GREP1: variants seen among roughly 807,000 people sequenced by gnomAD.
GREP1 encodes the protein glycine-rich extracellular protein 1.
intron 27 of GREP1, among the ~76,000 whole-genome samples, chr16:2,999,479 C>CTTTTTTTTTT (rs35368761): frequency 1.3e-5 from 1 of 75,502 alleles, no homozygotes; most frequent in African/African-American, 6.1e-5. Context: ...CCCTCTTGCT[C>CTTTTTTTTTT]TTTTTTTTTT....
chr16:2,999,524 G>A (rs1034370097), intron 27 of GREP1, among the ~76,000 whole-genome samples: 7 of 124,812 alleles, frequency 5.6e-5, no homozygotes, highest in African/African-American at 2.2e-4. Flanking sequence ...TCGCTCTGTC[G>A]CCCAGGCTGG....
rs1448142644 is a variant in GREP1 at position 2,989,047 on chromosome 16, G to C, written c.100+425G>C. The C allele has an allele frequency of 4.1e-6, 1 of 240,992 alleles. No homozygotes were observed. The highest frequency in any genetic ancestry group is 7.9e-6 in the Non-Finnish European group (1 of 126,394). The allele number at this position is 240,992 out of a possible 1,614,324, so 14.9% of individuals were successfully genotyped here. Reference sequence around the variant, plus strand: ...AAGGGTAGAAGGAGGGGCTGCCCCTGAGCCCTGATGCATCTGAGCTTCAGG... The same window carrying C: ...AAGGGTAGAAGGAGGGGCTGCCCCTCAGCCCTGATGCATCTGAGCTTCAGG... On this transcript the variant is annotated intron_variant, in intron 2 of 34. Transcript: ENST00000573315. This position sits in a 1 kb window ranked among gnomAD's most constrained non-coding sequence, Gnocchi z 4.2.
At chr16:3,001,985 C>T (rs977549168) in exon 35 of GREP1, 6 of 200,806 alleles carry the variant, frequency 3.0e-5, no homozygotes, top group Admixed American at 6.0e-5. Flanking sequence ...CATTTATAAT[C>T]GATTTATTAA....
At chr16:2,990,959 G>A (rs2072396045) in intron 7 of GREP1, 89 bp from the exon 7 acceptor site, 2 of 399,012 alleles carry the variant, frequency 5.0e-6, no homozygotes, top group Non-Finnish European at 8.8e-6. Flanking sequence ...CCCCACACCT[G>A]TCCCAGTGTC....
exon 35 of GREP1, chr16:3,001,565 C>A: frequency 2.5e-6 from 1 of 399,186 alleles, no homozygotes; most frequent in Non-Finnish European, 4.4e-6. Context: ...TCCCAGGCCG[C>A]TGCCCTCTGG....
intron 10 of GREP1, 93 bp downstream of exon 11, chr16:2,993,056 C>G (rs2151094700): frequency 2.5e-6 from 1 of 397,640 alleles, no homozygotes; most frequent in Admixed American, 4.4e-5. Flanking sequence ...CTCTTTGGCT[C>G]TGTCCCCTGG....
At chr16:2,996,455 C>T (rs1017949766) in intron 18 of GREP1, 41 bp from the exon 18 acceptor site, 7 of 398,876 alleles carry the variant, frequency 1.8e-5, no homozygotes, top group Non-Finnish European at 2.2e-5. Flanking sequence ...ACACCCCCTC[C>T]GAATGCCGCC....
intron 28 of GREP1, 33 bp from the exon 26 acceptor site, chr16:3,000,053 C>G (rs539144154): frequency 1.1e-4 from 43 of 398,942 alleles, no homozygotes; most frequent in Non-Finnish European, 1.8e-4. Flanking sequence ...CTCGCTGACC[C>G]CCATCTCTGA....
In GREP1 at chr16:2,991,115, G is replaced by GGTGAGGAAGCCCA. The variant is rs2072397134; in HGVS notation, c.322+15_322+16insTGAGGAAGCCCAG. On this transcript the variant is annotated intron_variant, in intron 8 of 34. Transcript: ENST00000573315. This position sits in a 1 kb window ranked among gnomAD's most constrained non-coding sequence, Gnocchi z 4.9. Reference sequence around the variant, plus strand: ...GAGCCCAGTCAGGTGAGGAAACGTCGGGTGTGGCAGGACCTGGGCTTCCAG... The same window carrying GGTGAGGAAGCCCA: ...GAGCCCAGTCAGGTGAGGAAACGTCGGTGAGGAAGCCCAGGTGTGGCAGGACCTGGGCTTCCAG... The GGTGAGGAAGCCCA allele has an allele frequency of 5.0e-6, 2 of 399,234 alleles. No individual in the cohort carries two copies. Among genetic ancestry groups the GGTGAGGAAGCCCA allele is most frequent in the African/African-American group, 4.1e-5 (2 of 48,716 alleles). 24.7% of individuals were successfully genotyped at this position (399,234 alleles called of 1,614,324 possible). A position where few individuals can be genotyped will look rare whatever the true frequency, so the allele number is the denominator to read the frequency against.
chr16:2,998,413 C>T (rs549732509), intron 24 of GREP1, 25 bp downstream of exon 22: 3 of 399,208 alleles, frequency 7.5e-6, no homozygotes, highest in Admixed American at 4.4e-5. Flanking sequence ...CCTGGCTCTG[C>T]CCCACACCTC....
intron 13 of GREP1, 131 bp downstream of exon 14, chr16:2,995,093 G>A (rs2072417776): frequency 1.0e-5 from 4 of 398,042 alleles, no homozygotes; most frequent in Non-Finnish European, 1.8e-5. Context: ...GCTTGGCCCT[G>A]AAGGGGAACC....
chr16:2,988,893 G>A (rs1032107362), intron 2 of GREP1: 4 of 380,690 alleles, frequency 1.1e-5, no homozygotes, highest in Middle Eastern at 6.6e-4. Flanking sequence ...CAGGAGGGGC[G>A]GACCCACCGG....
chr16:2,989,870 G>C lies in GREP1; in HGVS notation c.131-104G>C, dbSNP rs1002717443. ...ACAGCCCTCCCCCATCATGGGAAGGGACTGAGTTCCCACAGGCCCACTGCT... is the reference window on the plus strand; with the variant it reads ...ACAGCCCTCCCCCATCATGGGAAGGCACTGAGTTCCCACAGGCCCACTGCT... On this transcript the variant is annotated intron_variant, in intron 3 of 34. Coordinates refer to ENST00000573315, the Ensembl canonical transcript of GREP1. The surrounding 1 kb of genome is among the most constrained non-coding windows in gnomAD (Gnocchi z 4.2). The C allele has an allele frequency of 2.5e-6, 1 of 398,714 alleles. No individual in the cohort carries two copies. Among genetic ancestry groups the C allele is most frequent in the Non-Finnish European group, 4.4e-6 (1 of 226,090 alleles). The allele number at this position is 398,714 out of a possible 1,614,324, so 24.7% of individuals were successfully genotyped here.
At chr16:3,001,892 C>A in exon 35 of GREP1, 1 of 362,480 alleles carries the variant, frequency 2.8e-6, no homozygotes. Flanking sequence ...GGGAGGGCAT[C>A]ACTTGGTGAC....
At chr16:2,996,606 A>C (rs768712311) in intron 19 of GREP1, 67 bp from the exon 19 acceptor site, 1 of 399,132 alleles carries the variant, frequency 2.5e-6, no homozygotes, top group African/African-American at 2.1e-5. Flanking sequence ...CCACAGGGAC[A>C]GAGAGCTGGG....
chr16:2,993,082 A>G (rs944619939), intron 10 of GREP1, 119 bp downstream of exon 11: 6 of 396,252 alleles, frequency 1.5e-5, no homozygotes, highest in Non-Finnish European at 1.8e-5. Flanking sequence ...GGGAATAGGA[A>G]TGGGTGGGGA....
intron 10 of GREP1, chr16:2,993,233 C>G (rs2072407732): frequency 1.4e-5 from 4 of 294,236 alleles, no homozygotes; most frequent in Non-Finnish European, 2.5e-5. Context: ...GGTGGACTCA[C>G]AGGAAGTCCT....
In GREP1 at chr16:2,992,843, G is replaced by A. The variant is rs114795558; in HGVS notation, c.352+9G>A. 9.0e-5 allele frequency: 36 copies of A among 399,170 alleles called. No homozygotes were observed. Among genetic ancestry groups the A allele is most frequent in the African/African-American group, 7.4e-4 (36 of 48,768 alleles). The allele number at this position is 399,170 out of a possible 1,614,324, so 24.7% of individuals were successfully genotyped here. A position where few individuals can be genotyped will look rare whatever the true frequency, so the allele number is the denominator to read the frequency against. ...AAATGGCTTTGGACCAGGTAAAGAG[G>A]GTGGGGACGGAAGCGGGGAGCCTGG... On this transcript the variant is annotated intron_variant, in intron 9 of 34. Transcript: ENST00000573315. This position sits in a 1 kb window ranked among gnomAD's most constrained non-coding sequence, Gnocchi z 4.9.
In GREP1 at chr16:2,989,789, G is replaced by A. The variant is rs2072389320; in HGVS notation, c.131-185G>A. On this transcript the variant is annotated intron_variant, in intron 3 of 34. Transcript: ENST00000573315. The surrounding 1 kb of genome is among the most constrained non-coding windows in gnomAD (Gnocchi z 4.2). ...GGGAAGAAAGGAAAGAGAGCAGAAA[G>A]GAAGGAGAGAGGGAAGGAGGGAGGG... Among the ~76,000 whole-genome samples the A allele has an allele frequency of 6.6e-6, 1 of 152,018 alleles. No individual in the cohort carries two copies. Among genetic ancestry groups the A allele is most frequent in the Admixed American group, 6.5e-5 (1 of 15,268 alleles).
Sources: gnomAD v4.1 joint callset for allele counts (sites outside exome capture counted in the v4.1 genomes callset) on GRCh38, gnomAD v4.1.1 for gene constraint, Gnocchi (gnomAD v3.1) non-coding constraint, MANE v1.5 for transcripts, NCBI Gene and HGNC (gene_info 2026-07-23, HGNC 2026-07-21) for gene names.